The following TLDC2 variants were observed in gnomAD, a reference collection of about 807,000 sequenced individuals.
TLDC2 encodes the protein TBC/LysM-associated domain containing 2.
TLDC2 carries 23 observed loss-of-function variants against 27.9 expected under a neutral mutation model. The ratio of observed to expected loss-of-function variants is 0.82; its 90% CI spans 0.59 to 1.17. TLDC2 has a LOEUF of 1.17. TLDC2 is among the 50% of genes most tolerant of loss of function. The pLI is 0.00. For synonymous variants in TLDC2, 124 were observed against 107.4 expected (o/e 1.16, Z -0.96); for missense variants, 286 against 273.4 (o/e 1.05, Z -0.32).
chr20:36,876,784 C>T (rs1052163248), intron 1 of TLDC2, among the ~76,000 whole-genome samples: 1 of 152,112 alleles, frequency 6.6e-6, no homozygotes, highest in Non-Finnish European at 1.5e-5. Context: ...CACACACACT[C>T]TGGTACAGAG....
At position 36,884,519 on chromosome 20, in the gene TLDC2, A is replaced by C. The variant is rs539979033; in HGVS notation, c.439-2936A>C. 1.1e-4 allele frequency among the ~76,000 whole-genome samples: 16 copies of C among 151,712 alleles called. 1 individual carries two copies. The South Asian group carries it at 3.3e-3, about 32-fold the overall frequency. On this transcript the variant is annotated intron_variant, in intron 4 of 6. Transcript: ENST00000217320. ...CGTCTGTAATCCCAGCACTCGTGGG[A>C]CTCCCAAGGCAGGAGGATCACTTGA...
intron 4 of TLDC2, among the ~76,000 whole-genome samples, chr20:36,885,952 C>A (rs1288735926): frequency 1.3e-5 from 2 of 151,848 alleles, no homozygotes; most frequent in Non-Finnish European, 2.9e-5. Context: ...GAGAGGTGGG[C>A]CCTCTGAGGA....
intron 5 of TLDC2, 127 bp downstream of exon 5, chr20:36,887,655 C>A: frequency 1.1e-6 from 1 of 878,322 alleles, no homozygotes; most frequent in Non-Finnish European, 1.9e-6. Flanking sequence ...CAGGCCGTTC[C>A]CCTCATTGCT....
intron 2 of TLDC2, among the ~76,000 whole-genome samples, chr20:36,878,452 G>A (rs1252049027): frequency 6.6e-6 from 1 of 152,072 alleles, no homozygotes; most frequent in Non-Finnish European, 1.5e-5. Context: ...GTGGTGGTGT[G>A]CACCTGTAGT....
intron 4 of TLDC2, among the ~76,000 whole-genome samples, chr20:36,881,837 T>C (rs1437741207): frequency 6.6e-6 from 1 of 152,122 alleles, no homozygotes; most frequent in African/African-American, 2.4e-5. Flanking sequence ...GGACAATGTG[T>C]TGGAAGACAG....
chr20:36,889,489 T>G, intron 6 of TLDC2, 86 bp downstream of exon 6: 2 of 1,457,132 alleles, frequency 1.4e-6, no homozygotes, highest in Non-Finnish European at 1.8e-6. Flanking sequence ...TGAAGGGCCC[T>G]AGAGTTGGCC....
rs913571781 is a variant in TLDC2, at chr20:36,882,575, G to C, written c.438+1825G>C. On this transcript the variant is annotated intron_variant, in intron 4 of 6. Transcript: ENST00000217320. Reference sequence around the variant, plus strand: ...TGTTCAGTGGATGAAGTCGTTCCAGGTATTCTGCTATTAGAGATCTCTCCA... The same window carrying C: ...TGTTCAGTGGATGAAGTCGTTCCAGCTATTCTGCTATTAGAGATCTCTCCA... Among the ~76,000 whole-genome samples, 5 of 152,232 alleles carry C rather than the reference G, an allele frequency of 3.3e-5. No individual in the cohort carries two copies. In the Middle Eastern group the frequency reaches 0.014, roughly 414 times the overall value.
intron 1 of TLDC2, among the ~76,000 whole-genome samples, chr20:36,877,656 G>C (rs1601093401): frequency 1.3e-5 from 2 of 152,318 alleles, no homozygotes; most frequent in Admixed American, 1.3e-4. Flanking sequence ...GTGGGGTGCT[G>C]GCGGGGGTGG....
At chr20:36,877,785 A>G (rs1989706341) in intron 1 of TLDC2, 114 bp from the exon 2 acceptor site, 2 of 1,243,992 alleles carry the variant, frequency 1.6e-6, no homozygotes, top group Non-Finnish European at 2.2e-6. Flanking sequence ...TGGGGGTTAC[A>G]GGCACATGGG....
At chr20:36,879,002 G>T (rs778759766) in intron 2 of TLDC2, 39 bp from the exon 3 acceptor site, 5 of 1,613,800 alleles carry the variant, frequency 3.1e-6, no homozygotes, top group Non-Finnish European at 4.2e-6. Flanking sequence ...AGGAGGGCGC[G>T]AGGAGAACTC....
intron 4 of TLDC2, among the ~76,000 whole-genome samples, chr20:36,884,683 A>T (rs1284600603): frequency 4.0e-5 from 6 of 151,166 alleles, no homozygotes; most frequent in African/African-American, 1.2e-4. Context: ...GCTTGAGCCC[A>T]GGAATTTGAG....
chr20:36,880,584 C>T (rs1989791151), intron 3 of TLDC2, 71 bp from the exon 4 acceptor site: 1 of 1,346,436 alleles, frequency 7.4e-7, no homozygotes, highest in Non-Finnish European at 1.1e-6. Flanking sequence ...TATTACTAAA[C>T]CTGAAGAATG....
In TLDC2 at chr20:36,889,257, G is replaced by C; in HGVS notation, c.519G>C (p.Arg173=). The C allele has an allele frequency of 1.2e-6, 2 of 1,614,020 alleles. No homozygotes were observed. The highest frequency in any genetic ancestry group is 4.5e-5 in the East Asian group (2 of 44,890). Residue 173 remains arginine, a synonymous_variant, in exon 6 of 7, where the codon CGG becomes CGC. Transcript: ENST00000217320. ...DSLMMGSGSG[R]FGLWLDGDLF... ...ACTGTCCTCTTCTCTCTAGTGGCCG[G>C]TTTGGGCTGTGGTTGGATGGAGACT...
chr20:36,892,828 C>A (rs570535296), intron 6 of TLDC2, 34 bp from the exon 7 acceptor site: 4 of 1,469,142 alleles, frequency 2.7e-6, no homozygotes, highest in South Asian at 1.1e-5. Flanking sequence ...ATTCAAAATA[C>A]AAAATTAAAG....
intron 3 of TLDC2, among the ~76,000 whole-genome samples, chr20:36,879,877 C>A (rs1257260580): frequency 2.4e-5 from 3 of 124,310 alleles, no homozygotes; most frequent in Non-Finnish European, 3.7e-5. Context: ...CAGAGTGAAA[C>A]CCTGTCTGAA....
chr20:36,891,271 T>A (rs1249565115), intron 6 of TLDC2: 1 of 152,268 alleles, frequency 6.6e-6, no homozygotes, highest in Non-Finnish European at 1.5e-5. Context: ...ACATTCCAAG[T>A]ACTCTTCACC....
intron 3 of TLDC2, among the ~76,000 whole-genome samples, chr20:36,880,419 A>T (rs1327441626): frequency 2.6e-5 from 4 of 152,030 alleles, no homozygotes; most frequent in African/African-American, 9.7e-5. Context: ...TTTAAGAAAA[A>T]GGAGGGCCCT....
At chr20:36,889,518 C>T (rs1442018544) in intron 6 of TLDC2, 115 bp downstream of exon 6, 3 of 1,312,928 alleles carry the variant, frequency 2.3e-6, no homozygotes, top group African/African-American at 3.0e-5. Context: ...TGGCCAGCCT[C>T]CTTGTGGCCT....
rs1384521344 is a variant in TLDC2 at position 36,887,483 on chromosome 20, T to C, written c.467T>C (p.Phe156Ser). 6 of 1,614,002 alleles carry C rather than the reference T, an allele frequency of 3.7e-6. No homozygotes were observed. Among genetic ancestry groups the C allele is most frequent in the Non-Finnish European group, 5.1e-6 (6 of 1,180,014 alleles). The change falls in exon 5 of 7, where the codon TTC becomes TCC. Residue 156 changes from phenylalanine (F) to serine (S), a missense_variant. Physicochemically the swap from Phe to Ser is radical, Grantham distance 155. Transcript: ENST00000217320. Reference protein sequence around the residue: ...KVFKWTGSNSFFVKGDLDSLM... With the variant: ...KVFKWTGSNSSFVKGDLDSLM... ...TTTAAGTGGACTGGAAGCAACTCTT[T>C]CTTTGTGAAGGGAGACTTGGATTCA...
Sources: allele counts gnomAD v4.1 joint callset (sites outside exome capture counted in the v4.1 genomes callset), GRCh38; gene constraint gnomAD v4.1.1; transcripts MANE v1.5; gene names NCBI Gene and HGNC (gene_info 2026-07-23, HGNC 2026-07-21).